Variants in SCD5 observed in about 807,000 individuals in gnomAD.
SCD5 encodes the protein stearoyl-CoA desaturase 5, also known as acyl-CoA-desaturase 4.
SCD5 carries 20 observed loss-of-function variants against 30.4 expected under a neutral mutation model. That is an observed-to-expected ratio of 0.66 (90% confidence interval 0.46 to 0.96). The LOEUF (loss-of-function observed/expected upper bound fraction) is 0.96, where lower values mean the gene tolerates loss of function less well. Among genes scored for constraint, SCD5 ranks in the 40% least tolerant of loss-of-function variants. The pLI, the probability that SCD5 is intolerant of heterozygous loss-of-function variation, is 0.00. For synonymous variants in SCD5, 173 were observed against 176.4 expected (o/e 0.98, Z 0.16); for missense variants, 381 against 443.3 (o/e 0.86, Z 1.26).
At chr4:82,639,054 C>A (rs766148098) in intron 3 of SCD5, among the ~76,000 whole-genome samples, 12 of 152,190 alleles carry the variant, frequency 7.9e-5, no homozygotes, top group Non-Finnish European at 1.2e-4. Flanking sequence ...TGCTATTCTG[C>A]CTTGCAACTG....
intron 3 of SCD5, among the ~76,000 whole-genome samples, chr4:82,666,002 A>T (rs1728178126): frequency 6.6e-6 from 1 of 152,136 alleles, no homozygotes; most frequent in Admixed American, 6.5e-5. Flanking sequence ...CCTATATTAC[A>T]TTTTATGCTA....
At chr4:82,774,022 G>C (rs990083418) in intron 1 of SCD5, among the ~76,000 whole-genome samples, 3 of 150,980 alleles carry the variant, frequency 2.0e-5, no homozygotes, top group Non-Finnish European at 4.4e-5. Context: ...CCAGGCAGCA[G>C]AGGTTGCAGT....
intron 3 of SCD5, among the ~76,000 whole-genome samples, chr4:82,655,380 C>A (rs1310529492): frequency 6.6e-6 from 1 of 152,144 alleles, no homozygotes. Flanking sequence ...TGGCCACAAG[C>A]AAGCATTTGG....
chr4:82,782,933 G>A lies in SCD5; in HGVS notation c.232+15373C>T, dbSNP rs937138947. 2.6e-5 allele frequency among the ~76,000 whole-genome samples: 4 copies of A among 152,190 alleles called. No individual in the cohort carries two copies. The East Asian group carries it at 7.7e-4, about 29-fold the overall frequency. Reference sequence around the variant, plus strand: ...ACAACAATACTGAGGTGGGAGAAGGGTGATGTTCACCTGATGGGGACACAG... The same window carrying A: ...ACAACAATACTGAGGTGGGAGAAGGATGATGTTCACCTGATGGGGACACAG... On this transcript the variant is annotated intron_variant, in intron 1 of 4. Transcript: ENST00000319540.
In SCD5 at chr4:82,636,627, G is replaced by A. The variant is rs1727437020; in HGVS notation, c.766C>T (p.Pro256Ser). ...AGAGCGACGAGTGGGTTCTGCCGAG[G>A]GCTGATGTGCTTGTCATAGGGCCGG... is the stretch of plus-strand genomic sequence containing the variant. ...GNRPYDKHIS[P>S]RQNPLVALGA... Residue 256 changes from proline to serine, a missense_variant, in exon 4 of 5, where the codon CCT becomes TCT. By Grantham distance (74) the Pro-to-Ser change is moderately conservative. Transcript: ENST00000319540. 6.2e-7 allele frequency: 1 copy of A among 1,614,172 alleles called. No individual in the cohort carries two copies. The highest frequency in any genetic ancestry group is 8.5e-7 in the Non-Finnish European group (1 of 1,180,040).
At chr4:82,756,248 T>C (rs899083814) in intron 1 of SCD5, among the ~76,000 whole-genome samples, 1 of 152,204 alleles carries the variant, frequency 6.6e-6, no homozygotes, top group Admixed American at 6.5e-5. Flanking sequence ...GTGGTGGGGA[T>C]GGTGGGTCAT....
rs188710293 is a variant in SCD5, at chr4:82,769,661, T to C, written c.232+28645A>G. Among the ~76,000 whole-genome samples the C allele has an allele frequency of 3.3e-5, 5 of 152,280 alleles. No homozygotes were observed. The East Asian group carries it at 9.6e-4, about 29-fold the overall frequency. ...GTGGTTAAAAATGCTCAGAAATAAC[T>C]GAATATGATTATATAAAAGAACATT... On this transcript the variant is annotated intron_variant, in intron 1 of 4. Transcript: ENST00000319540.
At chr4:82,662,821 T>C (rs374601729) in intron 3 of SCD5, among the ~76,000 whole-genome samples, 17 of 146,456 alleles carry the variant, frequency 1.2e-4, no homozygotes, top group Admixed American at 2.8e-4. Context: ...GACCACGCCA[T>C]TGCACTCCAG....
At chr4:82,768,641 C>T (rs1721545118) in intron 1 of SCD5, among the ~76,000 whole-genome samples, 1 of 152,124 alleles carries the variant, frequency 6.6e-6, no homozygotes, top group Admixed American at 6.6e-5. Flanking sequence ...AGATTAGTGT[C>T]CTGGTTCTGG....
intron 1 of SCD5, among the ~76,000 whole-genome samples, chr4:82,767,058 T>C (rs1721508195): frequency 1.3e-5 from 2 of 152,178 alleles, no homozygotes; most frequent in African/African-American, 4.8e-5. Flanking sequence ...ATTATGAGGT[T>C]TTCCATTCCG....
chr4:82,786,102 C>A (rs1412816334), intron 1 of SCD5, among the ~76,000 whole-genome samples: 1 of 152,138 alleles, frequency 6.6e-6, no homozygotes, highest in Admixed American at 6.5e-5. Context: ...CTACCCCTGC[C>A]TAAAGAATAG....
chr4:82,647,707 A>G (rs1410926366), intron 3 of SCD5, among the ~76,000 whole-genome samples: 1 of 152,080 alleles, frequency 6.6e-6, no homozygotes, highest in African/African-American at 2.4e-5. Flanking sequence ...CTCAACTATG[A>G]TTATTGCATT....
chr4:82,726,303 G>C (rs1466587936), intron 1 of SCD5, among the ~76,000 whole-genome samples: 1 of 151,812 alleles, frequency 6.6e-6, no homozygotes, highest in Non-Finnish European at 1.5e-5. Context: ...TGTAATCCCA[G>C]CTACTCGGGA....
Position 82,705,047 on chromosome 4 carries a change from G to A in SCD5, c.363+236C>T, listed in dbSNP as rs555829995. On this transcript the variant is annotated intron_variant, in intron 2 of 4. Transcript: ENST00000319540. ...TTCACAGCATGGGCTCTGGATAGAG[G>A]AGTCTCCTTTCCCCTCAGTAGTTCA... Among the ~76,000 whole-genome samples, 3 of 152,354 alleles carry A rather than the reference G, an allele frequency of 2.0e-5. No individual in the cohort carries two copies. The South Asian group carries it at 6.2e-4, about 32-fold the overall frequency.
intron 1 of SCD5, among the ~76,000 whole-genome samples, chr4:82,748,113 G>A (rs1196984086): frequency 6.6e-6 from 1 of 152,150 alleles, no homozygotes; most frequent in African/African-American, 2.4e-5. Flanking sequence ...GGGCTGGGAG[G>A]AATTTAATCA....
intron 1 of SCD5, among the ~76,000 whole-genome samples, chr4:82,781,757 A>G (rs1721879740): frequency 6.6e-6 from 1 of 152,216 alleles, no homozygotes; most frequent in South Asian, 2.1e-4. Flanking sequence ...TGATGCAACA[A>G]GAAGGCCCTC....
At chr4:82,715,364 C>T (rs1720203915) in intron 1 of SCD5, among the ~76,000 whole-genome samples, 1 of 151,582 alleles carries the variant, frequency 6.6e-6, no homozygotes, top group Non-Finnish European at 1.5e-5. Flanking sequence ...GGCAGACACA[C>T]ACCCTCCCTT....
intron 3 of SCD5, among the ~76,000 whole-genome samples, chr4:82,670,530 T>C (rs1047277226): frequency 6.7e-6 from 1 of 150,356 alleles, no homozygotes; most frequent in African/African-American, 2.4e-5. Flanking sequence ...AAGACAAAAA[T>C]AGAAAAAAGA....
Position 82,705,397 on chromosome 4 carries a change from G to T in SCD5, c.249C>A (p.Leu83=). 1 of 1,614,240 alleles carries T rather than the reference G, an allele frequency of 6.2e-7. No homozygotes were observed. Among genetic ancestry groups the T allele is most frequent in the Non-Finnish European group, 8.5e-7 (1 of 1,180,044 alleles). The change falls in exon 2 of 5, where the codon CTC becomes CTA. Residue 83 remains leucine, a synonymous_variant. Transcript: ENST00000319540. ...CAGCTGTCACACCCAGAGCGGCCAG[G>T]AGGAAGCAGAAGTAGGCTGCAAGAC... ...LTLLWAYFCF[L]LAALGVTAGA...
Sources: gnomAD v4.1 joint callset for allele counts (sites outside exome capture counted in the v4.1 genomes callset) on GRCh38, gnomAD v4.1.1 for gene constraint, MANE v1.5 for transcripts, NCBI Gene and HGNC (gene_info 2026-07-23, HGNC 2026-07-21) for gene names.